The following COL22A1 variants were observed in gnomAD, a reference collection of about 807,000 sequenced individuals.
COL22A1 encodes the protein collagen alpha-1(XXII) chain.
In COL22A1, 221 loss-of-function variants were observed where a neutral mutation model predicts 248.9. The observed-to-expected ratio is 0.89, with a 90% CI of 0.80 to 0.99. The LOEUF (loss-of-function observed/expected upper bound fraction) is 0.99, where lower values mean the gene tolerates loss of function less well. Ranked by LOEUF, COL22A1 falls within the 50% of genes least tolerant of loss-of-function variation. The pLI is 0.00. For synonymous variants in COL22A1, 891 were observed against 793.4 expected (o/e 1.12, Z -2.07); for missense variants, 2,240 against 2,179.0 (o/e 1.03, Z -0.56).
chr8:138,604,522 C>T (rs12543875), intron 59 of COL22A1, among the ~76,000 whole-genome samples: 3,284 of 152,296 alleles, frequency 0.022, 60 homozygotes, highest in African/African-American at 0.045. Context: ...CATACCAAGA[C>T]GGTGCCCCTG....
intron 23 of COL22A1, among the ~76,000 whole-genome samples, chr8:138,734,792 T>G (rs372005435): frequency 8.1e-4 from 123 of 152,282 alleles, no homozygotes; most frequent in African/African-American, 2.6e-3. Context: ...CCATCAATGA[T>G]AGACTGGATA....
chr8:138,673,905 G>T (rs1825273037), intron 41 of COL22A1, among the ~76,000 whole-genome samples: 2 of 152,112 alleles, frequency 1.3e-5, no homozygotes, highest in Admixed American at 6.5e-5. Flanking sequence ...CCAAACACAG[G>T]CAGGAGGTGG....
intron 11 of COL22A1, among the ~76,000 whole-genome samples, chr8:138,800,218 T>C (rs771944554): frequency 2.0e-5 from 3 of 152,162 alleles, no homozygotes; most frequent in Non-Finnish European, 4.4e-5. Context: ...CTCCACTGTA[T>C]GACTGAGCTT....
chr8:138,831,646 A>T (rs1820053596), intron 5 of COL22A1, among the ~76,000 whole-genome samples: 2 of 152,106 alleles, frequency 1.3e-5, no homozygotes, highest in South Asian at 4.2e-4. Flanking sequence ...TGGGAGGAGG[A>T]TGCCTGGGAG....
chr8:138,664,209 G>GCGCGCGCACACACACACA (rs1440442280), intron 41 of COL22A1, among the ~76,000 whole-genome samples: 3 of 103,204 alleles, frequency 2.9e-5, no homozygotes, highest in East Asian at 3.2e-4. Flanking sequence ...GCGCGCGCGC[G>GCGCGCGCACACACACACA]CACACACACA....
At chr8:138,739,032 C>G (rs1418740866) in intron 22 of COL22A1, among the ~76,000 whole-genome samples, 1 of 152,188 alleles carries the variant, frequency 6.6e-6, no homozygotes, top group African/African-American at 2.4e-5. Flanking sequence ...ACTGCAGTAG[C>G]CTTCTAAACA....
At chr8:138,591,596 G>A (rs1817056921) in intron 63 of COL22A1, 95 bp from the exon 64 acceptor site, 1 of 918,184 alleles carries the variant, frequency 1.1e-6, no homozygotes. Flanking sequence ...GGCAGCACTG[G>A]GCTGCTGTGG....
intron 7 of COL22A1, among the ~76,000 whole-genome samples, chr8:138,816,243 G>T (rs530909019): frequency 6.6e-6 from 1 of 152,250 alleles, no homozygotes; most frequent in East Asian, 1.9e-4. Context: ...GTTCTCAGGT[G>T]GGGTGAGAGG....
intron 26 of COL22A1, 67 bp from the exon 27 acceptor site, chr8:138,720,859 T>A (rs1237360111): frequency 1.6e-6 from 2 of 1,285,492 alleles, no homozygotes; most frequent in Non-Finnish European, 1.1e-6. Context: ...CACAAAGTAC[T>A]AGGCACAGGT....
At chr8:138,728,669 G>C (rs975307785) in intron 23 of COL22A1, among the ~76,000 whole-genome samples, 1 of 151,742 alleles carries the variant, frequency 6.6e-6, no homozygotes, top group Non-Finnish European at 1.5e-5. Flanking sequence ...TCTCCTAGTG[G>C]AAATTAAACC....
At position 138,762,534 on chromosome 8, in the gene COL22A1, C is replaced by T. The variant is rs1232914194; in HGVS notation, c.1804-68G>A. 5 of 1,440,272 alleles carry T rather than the reference C, an allele frequency of 3.5e-6. No individual in the cohort carries two copies. The East Asian group carries it at 9.2e-5, about 27-fold the overall frequency. 89.2% of individuals were successfully genotyped at this position (1,440,272 alleles called of 1,614,324 possible). A position where few individuals can be genotyped will look rare whatever the true frequency, so the allele number is the denominator to read the frequency against. On this transcript the variant is annotated intron_variant, in intron 16 of 64. Coordinates refer to ENST00000303045, the MANE Select transcript of COL22A1 (RefSeq NM_152888.3). ...CACAGGCAGCAGCCCAGCACACATC[C>T]CCACAGTGACCGTCATGGACAAGGA...
intron 12 of COL22A1, among the ~76,000 whole-genome samples, chr8:138,796,301 T>C (rs375716907): frequency 1.3e-5 from 2 of 151,912 alleles, no homozygotes; most frequent in Admixed American, 6.6e-5. Flanking sequence ...TTCCCACAAA[T>C]TCTTCTGATG....
chr8:138,631,704 A>T (rs972076488), intron 49 of COL22A1, among the ~76,000 whole-genome samples: 7 of 151,558 alleles, frequency 4.6e-5, no homozygotes, highest in Non-Finnish European at 8.8e-5. Context: ...ACAGCCTCAT[A>T]CCCTCCCATC....
At chr8:138,619,284 C>G (rs988799588) in intron 53 of COL22A1, among the ~76,000 whole-genome samples, 171 bp downstream of exon 53, 4 of 152,178 alleles carry the variant, frequency 2.6e-5, no homozygotes, top group African/African-American at 9.6e-5. Context: ...AATTTCGCAG[C>G]TATGTAGTGT....
Position 138,812,950 on chromosome 8 carries a change from G to A in COL22A1, c.1315C>T (p.Pro439Ser), listed in dbSNP as rs762019899. Residue 439 changes from proline to serine, a missense_variant, in exon 8 of 65, where the codon CCC becomes TCC. Transcript: ENST00000303045. ...GAGAGTCTGCTCACCGGACCCGAGG[G>A]GATATCACAACAAGTCTCCAATTCT... ...HAELETCCDI[P>S]SGPCQVTVVT... 4 of 1,612,962 alleles carry A rather than the reference G, an allele frequency of 2.5e-6. No homozygotes were observed. The highest frequency in any genetic ancestry group is 3.3e-5 in the Admixed American group (2 of 60,002).
At chr8:138,805,304 TG>T (rs1400327776) in intron 10 of COL22A1, among the ~76,000 whole-genome samples, 1 of 139,062 alleles carries the variant, frequency 7.2e-6, no homozygotes, top group African/African-American at 2.7e-5. Context: ...TGGTGTGGGA[TG>T]GTGTTTGGTG....
At chr8:138,869,986 T>G (rs1204677813) in intron 3 of COL22A1, among the ~76,000 whole-genome samples, 2 of 152,130 alleles carry the variant, frequency 1.3e-5, no homozygotes, top group East Asian at 3.8e-4. Flanking sequence ...TATATGTGTG[T>G]GGGGTGTTAT....
chr8:138,774,973 C>T (rs979764613), intron 16 of COL22A1, among the ~76,000 whole-genome samples: 27 of 152,160 alleles, frequency 1.8e-4, no homozygotes, highest in Admixed American at 1.4e-3. Context: ...AATATGCCTA[C>T]GTGCCCACTA....
chr8:138,772,095 C>T (rs1834416380), intron 16 of COL22A1, among the ~76,000 whole-genome samples: 1 of 152,146 alleles, frequency 6.6e-6, no homozygotes, highest in South Asian at 2.1e-4. Flanking sequence ...CGTGGAGTAC[C>T]CCCTTTAAAC....
Sources: allele counts gnomAD v4.1 joint callset (sites outside exome capture counted in the v4.1 genomes callset), GRCh38; gene constraint gnomAD v4.1.1; transcripts MANE v1.5; gene names NCBI Gene and HGNC (gene_info 2026-07-23, HGNC 2026-07-21).